Variants in MEI4 observed in about 807,000 individuals in gnomAD.
MEI4 encodes meiosis-specific protein MEI4.
A neutral mutation model predicts 31.4 loss-of-function variants in MEI4; 27 were observed. That is an observed-to-expected ratio of 0.86 (90% CI 0.63 to 1.19). MEI4 has a LOEUF of 1.19. Ranked by LOEUF, MEI4 falls within the 50% of genes most tolerant of loss-of-function variation. The pLI is 0.00. For synonymous variants in MEI4, 122 were observed against 145.4 expected, an observed-to-expected ratio of 0.84 and a Z score of 1.16; for missense variants, 329 against 398.9, an observed-to-expected ratio of 0.82 and a Z score of 1.49.
intron 1 of MEI4, among the ~76,000 whole-genome samples, chr6:77,679,031 T>C (rs1186742085): frequency 1.3e-5 from 2 of 152,124 alleles, no homozygotes; most frequent in African/African-American, 4.8e-5. Flanking sequence ...GGCTATACAA[T>C]GTATATATGT....
chr6:77,773,732 C>T (rs1768372346), intron 3 of MEI4, among the ~76,000 whole-genome samples: 2 of 151,964 alleles, frequency 1.3e-5, no homozygotes, highest in African/African-American at 2.4e-5. Flanking sequence ...AGAGATGACC[C>T]ACAGAATGGG....
intron 4 of MEI4, among the ~76,000 whole-genome samples, chr6:77,887,497 A>G (rs1038899161): frequency 1.3e-5 from 2 of 151,860 alleles, no homozygotes; most frequent in Admixed American, 1.3e-4. Context: ...GGGTTTCACC[A>G]TGTTGGCCAG....
At chr6:77,800,295 TTGTC>T (rs1247177213) in intron 3 of MEI4, among the ~76,000 whole-genome samples, 4 of 152,010 alleles carry the variant, frequency 2.6e-5, no homozygotes, top group Non-Finnish European at 4.4e-5. Flanking sequence ...GGCTCTCTGT[TTGTC>T]TGTTCTTGGT....
At chr6:77,917,597 T>C (rs371168211) in intron 4 of MEI4, among the ~76,000 whole-genome samples, 8 of 63,740 alleles carry the variant, frequency 1.3e-4, no homozygotes, top group African/African-American at 2.0e-4. Context: ...TCATGTCCTT[T>C]GCCCACTTTT....
intron 1 of MEI4, among the ~76,000 whole-genome samples, chr6:77,684,469 C>T (rs1474722562): frequency 2.0e-5 from 3 of 151,616 alleles, no homozygotes; most frequent in Non-Finnish European, 2.9e-5. Flanking sequence ...TTTTGGTACC[C>T]GTTACCTATC....
At chr6:77,920,481 A>T (rs762782592) in intron 4 of MEI4, among the ~76,000 whole-genome samples, 1 of 151,956 alleles carries the variant, frequency 6.6e-6, no homozygotes, top group Non-Finnish European at 1.5e-5. Context: ...CCTCCACTGA[A>T]GTCTTGAAGC....
At chr6:77,910,042 T>C (rs959892417) in intron 4 of MEI4, among the ~76,000 whole-genome samples, 2 of 152,172 alleles carry the variant, frequency 1.3e-5, no homozygotes, top group Non-Finnish European at 2.9e-5. Context: ...AAATTAGGTA[T>C]TGATGGGACG....
chr6:77,835,403 C>CAA (rs377494636), intron 4 of MEI4, among the ~76,000 whole-genome samples: 33,437 of 91,464 alleles, frequency 0.37, 5,410 homozygotes, highest in South Asian at 0.45. Flanking sequence ...CACACACACA[C>CAA]AAATAAAAAA....
At chr6:77,839,004 C>T (rs1406109853) in intron 4 of MEI4, among the ~76,000 whole-genome samples, 2 of 151,858 alleles carry the variant, frequency 1.3e-5, no homozygotes, top group Non-Finnish European at 2.9e-5. Flanking sequence ...CTGCGGAATA[C>T]GTTTCTCATT....
At chr6:77,846,182 G>A (rs944808610) in intron 4 of MEI4, among the ~76,000 whole-genome samples, 10 of 151,824 alleles carry the variant, frequency 6.6e-5, no homozygotes, top group South Asian at 2.1e-4. Context: ...GTGCAATCTC[G>A]TCTCACTGCA....
At chr6:77,672,681 A>C (rs1768767723) in intron 1 of MEI4, among the ~76,000 whole-genome samples, 2 of 152,184 alleles carry the variant, frequency 1.3e-5, no homozygotes, top group Non-Finnish European at 2.9e-5. Context: ...CTGAGATTAC[A>C]GGTGTGCACC....
At chr6:77,904,288 A>G (rs1766245600) in intron 4 of MEI4, among the ~76,000 whole-genome samples, 1 of 152,124 alleles carries the variant, frequency 6.6e-6, no homozygotes, top group Non-Finnish European at 1.5e-5. Flanking sequence ...GCTGATAACA[A>G]CGTAGCTTTA....
intron 2 of MEI4, among the ~76,000 whole-genome samples, chr6:77,741,792 C>T (rs1204115688): frequency 7.7e-6 from 1 of 129,552 alleles, no homozygotes; most frequent in African/African-American, 2.9e-5. Flanking sequence ...ACAACAGTCC[C>T]CAGAGTGTGA....
rs1171112616 is a variant in MEI4, at chr6:77,878,806, T to A, written c.901-44283T>A. Among the ~76,000 whole-genome samples, 7 of 152,270 alleles carry A rather than the reference T, an allele frequency of 4.6e-5. No individual in the cohort carries two copies. The East Asian group carries it at 1.3e-3, about 29-fold the overall frequency. The stretch of plus-strand genomic sequence containing the variant: ...ACTGTCAAGTCAAAAAATCTCATGG[T>A]TTAACTTAAAATAACAGAGGTCTGG... On this transcript the variant is annotated intron_variant, in intron 4 of 4. Transcript: ENST00000684080.
intron 3 of MEI4, among the ~76,000 whole-genome samples, chr6:77,813,109 C>G (rs1769612480): frequency 6.6e-6 from 1 of 151,990 alleles, no homozygotes; most frequent in Admixed American, 6.6e-5. Context: ...TAAATATATC[C>G]TGGAGCAACA....
intron 3 of MEI4, among the ~76,000 whole-genome samples, chr6:77,793,940 C>T (rs752612209): frequency 6.6e-6 from 1 of 152,052 alleles, no homozygotes; most frequent in African/African-American, 2.4e-5. Context: ...CCTTACCTGT[C>T]AATAATTCCT....
intron 1 of MEI4, among the ~76,000 whole-genome samples, chr6:77,667,180 A>G (rs569800227): frequency 1.3e-5 from 2 of 152,308 alleles, no homozygotes; most frequent in Admixed American, 6.5e-5. Context: ...ATAATTCTAA[A>G]TGAGGTAGTA....
At chr6:77,796,333 T>G (rs914271004) in intron 3 of MEI4, among the ~76,000 whole-genome samples, 1 of 152,060 alleles carries the variant, frequency 6.6e-6, no homozygotes, top group Non-Finnish European at 1.5e-5. Flanking sequence ...TCAGAACACT[T>G]CTATTCAGCA....
chr6:77,708,907 A>G (rs866541860), intron 2 of MEI4, among the ~76,000 whole-genome samples: 12 of 152,290 alleles, frequency 7.9e-5, no homozygotes, highest in African/African-American at 2.4e-4. Context: ...ACATGAGCCA[A>G]ATAAACTTAT....
Sources: allele counts gnomAD v4.1 joint callset (sites outside exome capture counted in the v4.1 genomes callset), GRCh38; gene constraint gnomAD v4.1.1; transcripts MANE v1.5; gene names NCBI Gene and HGNC (gene_info 2026-07-23, HGNC 2026-07-21).